Variants in MACROD1 observed in about 807,000 individuals in gnomAD.
The protein encoded by MACROD1 is mono-ADP ribosylhydrolase 1.
A neutral mutation model predicts 41.4 loss-of-function variants in MACROD1; 31 were observed. The ratio of observed to expected loss-of-function variants is 0.75; its 90% CI spans 0.56 to 1.01. The LOEUF is 1.01. Ranked by LOEUF, MACROD1 falls within the 50% of genes least tolerant of loss-of-function variation. The pLI is 0.00. For missense variants in MACROD1, 473 were observed against 460.0 expected (o/e 1.03, Z -0.26); for synonymous variants, 252 against 203.4 (o/e 1.24, Z -2.03).
chr11:64,057,875 G>T (rs1042831511), intron 3 of MACROD1, among the ~76,000 whole-genome samples: 1 of 152,210 alleles, frequency 6.6e-6, no homozygotes, highest in African/African-American at 2.4e-5. Context: ...GCACGAATTC[G>T]TGAGGTCACA....
At chr11:64,069,824 G>A (rs1490808750) in intron 3 of MACROD1, among the ~76,000 whole-genome samples, 1 of 152,214 alleles carries the variant, frequency 6.6e-6, no homozygotes, top group Admixed American at 6.5e-5. Flanking sequence ...GCTTCTTATC[G>A]ACAGTCATTA....
At chr11:64,140,770 TGCCCAAGGTCACAAA>T (rs1279869921) in intron 3 of MACROD1, among the ~76,000 whole-genome samples, 2 of 152,200 alleles carry the variant, frequency 1.3e-5, no homozygotes, top group Non-Finnish European at 2.9e-5. Flanking sequence ...TTAAGTGATT[TGCCCAAGGTCACAAA>T]GCTGGTACAC....
At chr11:64,069,316 G>A (rs1472091031) in intron 3 of MACROD1, among the ~76,000 whole-genome samples, 5 of 152,238 alleles carry the variant, frequency 3.3e-5, no homozygotes, top group Admixed American at 1.3e-4. Context: ...AGGCACGGCT[G>A]TCAGCCGAAG....
At chr11:64,034,056 G>A (rs534172074) in intron 3 of MACROD1, among the ~76,000 whole-genome samples, 4 of 152,332 alleles carry the variant, frequency 2.6e-5, no homozygotes, top group Admixed American at 6.5e-5. Flanking sequence ...GAGTGCCCGC[G>A]CTCTGTGCCA....
At chr11:64,061,005 G>C (rs1261024563) in intron 3 of MACROD1, among the ~76,000 whole-genome samples, 1 of 152,006 alleles carries the variant, frequency 6.6e-6, no homozygotes, top group Non-Finnish European at 1.5e-5. Context: ...GACCTTCCCC[G>C]ACCCAGGCAT....
chr11:63,999,515 T>G lies in MACROD1; in HGVS notation c.817+15A>C. On this transcript the variant is annotated intron_variant, in intron 7 of 10. Transcript: ENST00000255681. ...CACCGCCCACTCCTGGTCCTTGCCTTTCTTCCAGACTCACCAAACACGCCG... is the reference window on the plus strand; with the variant it reads ...CACCGCCCACTCCTGGTCCTTGCCTGTCTTCCAGACTCACCAAACACGCCG... 6.2e-7 allele frequency: 1 copy of G among 1,604,990 alleles called. No individual in the cohort carries two copies. Among genetic ancestry groups the G allele is most frequent in the Non-Finnish European group, 8.5e-7 (1 of 1,176,474 alleles).
chr11:64,093,442 C>G (rs1051237851), intron 3 of MACROD1, among the ~76,000 whole-genome samples: 1 of 152,246 alleles, frequency 6.6e-6, no homozygotes, highest in Non-Finnish European at 1.5e-5. Context: ...CTGGCATGCT[C>G]ACCGCTGCCT....
chr11:64,005,022 C>CTTTATTTATTTATATATATA (rs528633683), intron 4 of MACROD1, among the ~76,000 whole-genome samples: 82 of 147,668 alleles, frequency 5.6e-4, no homozygotes, highest in African/African-American at 2.0e-3. Flanking sequence ...CTAAGATCCA[C>CTTTATTTATTTATATATATA]TTTATTTATT....
At chr11:64,001,593 T>C in intron 4 of MACROD1, 1 of 702,158 alleles carries the variant, frequency 1.4e-6, no homozygotes, top group South Asian at 1.5e-5. Context: ...TTCTGCAACT[T>C]TACTCAGAGC....
intron 3 of MACROD1, among the ~76,000 whole-genome samples, chr11:64,098,204 T>TCC (rs978114286): frequency 6.6e-6 from 1 of 152,006 alleles, no homozygotes; most frequent in Non-Finnish European, 1.5e-5. Flanking sequence ...CCTCACAGCC[T>TCC]CCCCCCTGCC....
intron 3 of MACROD1, among the ~76,000 whole-genome samples, chr11:64,066,911 C>T (rs1233214608): frequency 7.9e-5 from 12 of 152,340 alleles, no homozygotes; most frequent in Admixed American, 1.3e-4. Context: ...GCTATAGCTC[C>T]GGAGCCCACG....
intron 3 of MACROD1, among the ~76,000 whole-genome samples, chr11:64,131,960 C>G (rs974894211): frequency 6.6e-6 from 1 of 152,184 alleles, no homozygotes; most frequent in Non-Finnish European, 1.5e-5. Flanking sequence ...CTTGACTGAG[C>G]ATCTGCTACA....
intron 3 of MACROD1, among the ~76,000 whole-genome samples, chr11:64,121,910 T>G (rs914367819): frequency 5.3e-5 from 8 of 151,920 alleles, no homozygotes; most frequent in African/African-American, 1.9e-4. Context: ...TTCGTGGTAA[T>G]TAGATGTAGT....
At chr11:64,136,082 TGCCACAAAGGTG>T (rs1285098640) in intron 3 of MACROD1, among the ~76,000 whole-genome samples, 1 of 152,212 alleles carries the variant, frequency 6.6e-6, no homozygotes, top group Non-Finnish European at 1.5e-5. Flanking sequence ...GAAAGGACAC[TGCCACAAAGGTG>T]GCCACCATGA....
At chr11:64,031,475 C>CTTTTT (rs1565201222) in intron 3 of MACROD1, among the ~76,000 whole-genome samples, 1 of 92,632 alleles carries the variant, frequency 1.1e-5, no homozygotes, top group African/African-American at 4.1e-5. Context: ...TGCCTGCCTT[C>CTTTTT]CTTTTTTTTT....
chr11:64,097,084 G>A (rs541258655), intron 3 of MACROD1, among the ~76,000 whole-genome samples: 1 of 152,384 alleles, frequency 6.6e-6, no homozygotes, highest in African/African-American at 2.4e-5. Flanking sequence ...GGGGATGGCG[G>A]TGCCCACTGG....
In MACROD1 at chr11:64,120,099, G is replaced by A. The variant is rs568900077; in HGVS notation, c.517+31140C>T. Among the ~76,000 whole-genome samples, 96 of 152,298 alleles carry A rather than the reference G, an allele frequency of 6.3e-4. No homozygotes were observed. The highest frequency in any genetic ancestry group is 2.1e-3 in the African/African-American group (87 of 41,554). The stretch of plus-strand genomic sequence containing the variant: ...AAAAGCAAAGGCAGAAGCAGCAGCG[G>A]GGCAGGGGTTACGTTAAAAGGCCCG... On this transcript the variant is annotated intron_variant, in intron 3 of 10. Coordinates refer to ENST00000255681, the MANE Select transcript of MACROD1 (RefSeq NM_014067.4). The surrounding 1 kb of genome is among the most constrained non-coding windows in gnomAD (Gnocchi z 4.5).
chr11:64,080,147 G>A (rs549937966), intron 3 of MACROD1, among the ~76,000 whole-genome samples: 17 of 152,258 alleles, frequency 1.1e-4, no homozygotes, highest in Non-Finnish European at 1.8e-4. Flanking sequence ...CGAGTAGCGG[G>A]GATTACAGGC....
intron 3 of MACROD1, among the ~76,000 whole-genome samples, chr11:64,144,140 C>T (rs1187123819): frequency 6.7e-6 from 1 of 149,852 alleles, no homozygotes; most frequent in Non-Finnish European, 1.5e-5. Context: ...AGCCTTCCCA[C>T]AGTGTCCCGT....
Sources: allele counts gnomAD v4.1 joint callset (sites outside exome capture counted in the v4.1 genomes callset), GRCh38; gene constraint gnomAD v4.1.1; non-coding constraint Gnocchi (gnomAD v3.1); transcripts MANE v1.5; gene names NCBI Gene and HGNC (gene_info 2026-07-23, HGNC 2026-07-21).